The following ADAP1 variants were observed in gnomAD, a reference collection of about 807,000 sequenced individuals.
ADAP1 encodes arf-GAP with dual PH domain-containing protein 1.
ADAP1 carries 31 observed loss-of-function variants against 54.9 expected under a neutral mutation model. The observed-to-expected ratio is 0.56, with a 90% CI of 0.42 to 0.76. ADAP1 has a LOEUF of 0.76. Among genes scored for constraint, ADAP1 ranks in the 30% least tolerant of loss-of-function variants. ADAP1 has a pLI of 0.00. For missense variants in ADAP1, 535 were observed against 512.4 expected, an observed-to-expected ratio of 1.04 and a Z score of -0.42; for synonymous variants, 313 against 202.6, an observed-to-expected ratio of 1.55 and a Z score of -4.63.
At chr7:907,490 G>C (rs1018667471) in intron 4 of ADAP1, among the ~76,000 whole-genome samples, 5 of 152,110 alleles carry the variant, frequency 3.3e-5, no homozygotes, top group African/African-American at 7.2e-5. Context: ...CAGAGCTGTG[G>C]GAGAACAAAC....
intron 4 of ADAP1, among the ~76,000 whole-genome samples, chr7:911,228 G>T (rs567865490): frequency 1.1e-4 from 17 of 152,252 alleles, no homozygotes; most frequent in Middle Eastern, 6.8e-3. Context: ...GGGCTCCTGG[G>T]GTCAGCTCTC....
rs1846402576 is a variant in ADAP1, at chr7:926,717, G to A, written c.214-73C>T. The stretch of plus-strand genomic sequence containing the variant: ...GCCTAGGAGGTGCCAGCTGCCCTTG[G>A]GGCCGTCACCACAGTGACCCGCAGA... On this transcript the variant is annotated intron_variant, in intron 2 of 10. Transcript: ENST00000265846. This position sits in a 1 kb window ranked among gnomAD's most constrained non-coding sequence, Gnocchi z 4.6. 19 of 1,272,092 alleles carry A rather than the reference G, an allele frequency of 1.5e-5. No individual in the cohort carries two copies. In the South Asian group the frequency reaches 2.8e-4, roughly 19 times the overall value. 78.8% of individuals were successfully genotyped at this position (1,272,092 alleles called of 1,614,324 possible).
At chr7:906,735 GACAGAGT>G (rs1845444450) in intron 4 of ADAP1, among the ~76,000 whole-genome samples, 4 of 29,562 alleles carry the variant, frequency 1.4e-4, no homozygotes, top group African/African-American at 3.8e-4. Context: ...GGACATGGGG[GACAGAGT>G]ACATAGGGGA....
At chr7:935,267 C>CA in intron 2 of ADAP1, 108 bp downstream of exon 2, 1 of 1,447,096 alleles carries the variant, frequency 6.9e-7, no homozygotes, top group Non-Finnish European at 9.4e-7. Flanking sequence ...CAGAGTAGCC[C>CA]AAGGCTCCAG....
chr7:913,195 TTCC>T (rs1378327066), intron 4 of ADAP1, among the ~76,000 whole-genome samples: 2 of 107,884 alleles, frequency 1.9e-5, no homozygotes, highest in African/African-American at 7.3e-5. Flanking sequence ...CCTCCTCCCC[TTCC>T]TTTTTTTTTT....
At chr7:936,258 T>C (rs992988044) in intron 1 of ADAP1, among the ~76,000 whole-genome samples, 1 of 151,788 alleles carries the variant, frequency 6.6e-6, no homozygotes, top group Non-Finnish European at 1.5e-5. Flanking sequence ...TGGAGTATGA[T>C]GGCACGATCT....
At chr7:939,265 G>A (rs1846870301) in intron 1 of ADAP1, among the ~76,000 whole-genome samples, 1 of 150,960 alleles carries the variant, frequency 6.6e-6, no homozygotes, top group Non-Finnish European at 1.5e-5. Flanking sequence ...TGTTGTCCAG[G>A]CTGGAGTGCA....
At chr7:906,891 C>G (rs1456847206) in intron 4 of ADAP1, among the ~76,000 whole-genome samples, 3 of 141,176 alleles carry the variant, frequency 2.1e-5, no homozygotes, top group Non-Finnish European at 4.7e-5. Context: ...AACCCTGGCC[C>G]AAGCCAGCCT....
chr7:955,349 T>C (rs1847359441), upstream of ADAP1: 3 of 1,550,356 alleles, frequency 1.9e-6, no homozygotes, highest in Non-Finnish European at 2.6e-6. Flanking sequence ...TTCAAATTCT[T>C]TCCATTTTCT....
At chr7:904,424 G>T in intron 5 of ADAP1, 152 bp from the exon 6 acceptor site, 1 of 953,498 alleles carries the variant, frequency 1.0e-6, no homozygotes, top group Non-Finnish European at 1.5e-6. Flanking sequence ...TGGCCTCCCG[G>T]TCTGTAAGCA....
Position 906,717 on chromosome 7 carries a change from C to A in ADAP1, c.389-1545G>T, listed in dbSNP as rs143334992. Among the ~76,000 whole-genome samples, 59 of 33,198 alleles carry A rather than the reference C, an allele frequency of 1.8e-3. 2 individuals are homozygous for A. Among genetic ancestry groups the A allele is most frequent in the East Asian group, 0.012 (4 of 330 alleles). 21.8% of individuals were successfully genotyped at this position (33,198 alleles called of 152,430 possible). A position where few individuals can be genotyped will look rare whatever the true frequency, so the allele number is the denominator to read the frequency against. ...GACATGGACATGGGGGACGGGACAT[C>A]GGGGACGGGACATGGGGGACAGAGT... is the stretch of plus-strand genomic sequence containing the variant. On this transcript the variant is annotated intron_variant, in intron 4 of 10. Transcript: ENST00000265846.
At chr7:917,462 C>T (rs1197542655) in intron 4 of ADAP1, among the ~76,000 whole-genome samples, 2 of 152,090 alleles carry the variant, frequency 1.3e-5, no homozygotes, top group East Asian at 1.9e-4. Flanking sequence ...ATTTCAGGGC[C>T]GCCTCTCTTT....
intron 6 of ADAP1, chr7:903,846 C>T (rs1844947695): frequency 2.4e-5 from 9 of 375,940 alleles, no homozygotes; most frequent in Admixed American, 4.4e-5. Context: ...AGCTGGGTGG[C>T]CCCAGAGACA....
chr7:907,233 C>T (rs1226833115), intron 4 of ADAP1, among the ~76,000 whole-genome samples: 2 of 152,158 alleles, frequency 1.3e-5, no homozygotes, highest in South Asian at 2.1e-4. Flanking sequence ...AGCACCTGGA[C>T]ACGCCACCTT....
chr7:949,211 G>C (rs1195044361), intron 1 of ADAP1, among the ~76,000 whole-genome samples: 1 of 152,216 alleles, frequency 6.6e-6, no homozygotes, highest in Non-Finnish European at 1.5e-5. Context: ...GTCCAGGGTA[G>C]GGCACCACTG....
rs749167816 is a variant in ADAP1, at chr7:900,629, GTGGGCA to G, written c.649-19_649-14del. 8.8e-6 allele frequency: 14 copies of G among 1,594,718 alleles called. No homozygotes were observed. Among genetic ancestry groups the G allele is most frequent in the South Asian group, 1.1e-5 (1 of 89,438 alleles). ...AGTCCACAATCTCCTAGGGGCAAAG[GTGGGCA>G]CAGGCTTGGGCTGAGGAGGCTGCAG... On this transcript the variant is annotated splice_polypyrimidine_tract_variant and intron_variant, in intron 6 of 10. Transcript: ENST00000265846.
intron 4 of ADAP1, among the ~76,000 whole-genome samples, chr7:907,437 C>G (rs1021634412): frequency 6.6e-6 from 1 of 152,104 alleles, no homozygotes; most frequent in Non-Finnish European, 1.5e-5. Context: ...CCAGCTCTGC[C>G]CACTCCGAGT....
chr7:945,727 T>C lies in ADAP1; in HGVS notation c.82+8669A>G. ...GAGACTGCCCACAGCCGCCAGCCTC[T>C]TTCCCTCCCTCCTCCCAGCCCCGCT... On this transcript the variant is annotated intron_variant, in intron 1 of 10. Transcript: ENST00000265846. The surrounding 1 kb of genome is among the most constrained non-coding windows in gnomAD (Gnocchi z 4.2). 2.0e-6 allele frequency: 2 copies of C among 985,818 alleles called. No individual in the cohort carries two copies. Among genetic ancestry groups the C allele is most frequent in the Non-Finnish European group, 1.2e-6 (1 of 830,046 alleles). The allele number at this position is 985,818 out of a possible 1,614,324, so 61.1% of individuals were successfully genotyped here. A position where few individuals can be genotyped will look rare whatever the true frequency, so the allele number is the denominator to read the frequency against.
At chr7:904,596 C>G (rs929621674) in intron 5 of ADAP1, among the ~76,000 whole-genome samples, 7 of 152,198 alleles carry the variant, frequency 4.6e-5, no homozygotes, top group African/African-American at 4.8e-5. Flanking sequence ...CAGCCCACCT[C>G]CAGCCAGTGC....
Sources: gnomAD v4.1 joint callset for allele counts (sites outside exome capture counted in the v4.1 genomes callset) on GRCh38, gnomAD v4.1.1 for gene constraint, Gnocchi (gnomAD v3.1) non-coding constraint, MANE v1.5 for transcripts, NCBI Gene and HGNC (gene_info 2026-07-23, HGNC 2026-07-21) for gene names.